The following CASKIN1 variants were observed in gnomAD, a reference collection of about 807,000 sequenced individuals.
CASKIN1 encodes the protein CASK interacting protein 1.
Under a neutral mutation model 117.5 loss-of-function variants are expected in CASKIN1, and 42 were observed. That is an observed-to-expected ratio of 0.36 (90% CI 0.28 to 0.46). The LOEUF is 0.46. CASKIN1 is among the 20% of genes least tolerant of loss of function. CASKIN1 has a pLI of 1.00. For missense variants in CASKIN1, 2,083 were observed against 2,077.3 expected (o/e 1.00, Z -0.05); for synonymous variants, 1,148 against 961.7 (o/e 1.19, Z -3.59).
Position 2,180,291 on chromosome 16 carries a change from C to T in CASKIN1, c.3077G>A (p.Gly1026Asp), listed in dbSNP as rs760846795. The T allele has an allele frequency of 1.3e-6, 2 of 1,578,650 alleles. No homozygotes were observed. The highest frequency in any genetic ancestry group is 1.7e-6 in the Non-Finnish European group (2 of 1,165,894). The stretch of plus-strand genomic sequence containing the variant: ...GCTGGCAGGGCGGGGAGTGGGGTGG[C>T]CCTCAGGAGGCCTGCGGGCAGCCCG... ...GGRAARRPPEGHPTPRPASPE... is the reference protein window; with the variant it reads ...GGRAARRPPEDHPTPRPASPE... The change falls in exon 18 of 20, where the codon GGC (glycine) becomes GAC (aspartate). Residue 1026 changes from glycine to aspartate, a missense_variant. Gly to Asp is a moderately conservative substitution (Grantham distance 94). Coordinates refer to ENST00000343516, the MANE Select transcript of CASKIN1 (RefSeq NM_020764.4).
At chr16:2,181,739 GGGCTTGGGCTGA>G in intron 17 of CASKIN1, 40 bp downstream of exon 17, 1 of 1,589,236 alleles carries the variant, frequency 6.3e-7, no homozygotes, top group Non-Finnish European at 8.6e-7. Context: ...CTGGTGGCTG[GGGCTTGGGCTGA>G]GGGTTGGGCT....
chr16:2,178,450 G>T lies in CASKIN1; in HGVS notation c.*100C>A, dbSNP rs1421171167. 1.1e-6 allele frequency: 1 copy of T among 937,606 alleles called. No individual in the cohort carries two copies. The highest frequency in any genetic ancestry group is 1.5e-6 in the Non-Finnish European group (1 of 672,524). 58.1% of individuals were successfully genotyped at this position (937,606 alleles called of 1,614,324 possible). On this transcript the variant is annotated 3_prime_UTR_variant, in exon 20 of 20. Coordinates refer to ENST00000343516, the MANE Select transcript of CASKIN1 (RefSeq NM_020764.4). ...CGGAGTTGTGCTTCTGCAGGGCCCT[G>T]CCCGGCCGCTCGCGCCGCGCCCAGA... is the stretch of plus-strand genomic sequence containing the variant.
At position 2,189,388 on chromosome 16, in the gene CASKIN1, C is replaced by A. The variant is rs758158663; in HGVS notation, c.390+31G>T. On this transcript the variant is annotated intron_variant, in intron 4 of 19. Coordinates refer to ENST00000343516, the MANE Select transcript of CASKIN1 (RefSeq NM_020764.4). ...ACATCCTCAGGCCGCGCTGCCCCGC[C>A]CCCGCTGCCCCGCCCCCGCTCGGGC... 5.6e-6 allele frequency: 9 copies of A among 1,609,672 alleles called. No homozygotes were observed. The South Asian group carries it at 9.9e-5, about 18-fold the overall frequency.
Position 2,181,130 on chromosome 16 carries a change from G to A in CASKIN1, c.2238C>T (p.Arg746=), listed in dbSNP as rs927045273. The A allele has an allele frequency of 6.8e-7, 1 of 1,479,160 alleles. No individual in the cohort carries two copies. The highest frequency in any genetic ancestry group is 1.4e-5 in the South Asian group (1 of 72,196). 91.6% of individuals were successfully genotyped at this position (1,479,160 alleles called of 1,614,324 possible). The stretch of plus-strand genomic sequence containing the variant: ...TGGCCCTCTTGATGCTGTGGCCGTG[G>A]CGGCCGGGCCGGGCCTCCCTGGGCG... The part of the protein sequence containing the change: ...GTPPREARPG[R]HGHSIKRASV... The change falls in exon 18 of 20, where the codon CGC becomes CGT. Residue 746 remains arginine, a synonymous_variant. Coordinates refer to ENST00000343516, the MANE Select transcript of CASKIN1 (RefSeq NM_020764.4).
At chr16:2,192,469 G>A (rs1270015169) in intron 1 of CASKIN1, among the ~76,000 whole-genome samples, 2 of 152,100 alleles carry the variant, frequency 1.3e-5, no homozygotes, top group Non-Finnish European at 2.9e-5. Context: ...CTCCTGCTTT[G>A]CTCTCAGTTA....
rs1426962268 is a variant in CASKIN1 at position 2,182,510 on chromosome 16, C to T, written c.1630-581G>A. Among the ~76,000 whole-genome samples, 1 of 152,132 alleles carries T rather than the reference C, an allele frequency of 6.6e-6. No individual in the cohort carries two copies. The highest frequency in any genetic ancestry group is 1.9e-4 in the East Asian group (1 of 5,184). The stretch of plus-strand genomic sequence containing the variant: ...CGTCCACACTTCCAGCTGGAATTCA[C>T]TCATGCAACTGCTCTTGAACACTCA... On this transcript the variant is annotated intron_variant, in intron 16 of 19. Coordinates refer to ENST00000343516, the MANE Select transcript of CASKIN1 (RefSeq NM_020764.4). This position sits in a 1 kb window ranked among gnomAD's most constrained non-coding sequence, Gnocchi z 4.1.
chr16:2,180,951 G>A lies in CASKIN1; in HGVS notation c.2417C>T (p.Pro806Leu). The stretch of plus-strand genomic sequence containing the variant: ...TGTCGGCGGCAGCAGCTGCGGGGTG[G>A]GCTTCACCTTGGCCGTAGCTGGGGC... ...GPAPATAKVK[P>L]TPQLLPPTER... Residue 806 changes from proline (P) to leucine (L), a missense_variant, in exon 18 of 20, where the codon CCC becomes CTC. Physicochemically the swap from Pro to Leu is moderately conservative, Grantham distance 98. Around this residue, in one of 3 missense-constraint regions of CASKIN1, gnomAD observed 1,818 missense variants for 1,688.9 expected, o/e 1.08. Transcript: ENST00000343516. 1.4e-6 allele frequency: 2 copies of A among 1,466,508 alleles called. No individual in the cohort carries two copies. Among genetic ancestry groups the A allele is most frequent in the Non-Finnish European group, 1.8e-6 (2 of 1,114,708 alleles). 90.8% of individuals were successfully genotyped at this position (1,466,508 alleles called of 1,614,324 possible).
chr16:2,190,095 A>G lies in CASKIN1; in HGVS notation c.222T>C (p.Ala74=), dbSNP rs753420247. 5 of 1,612,062 alleles carry G rather than the reference A, an allele frequency of 3.1e-6. No homozygotes were observed. Among genetic ancestry groups the G allele is most frequent in the South Asian group, 1.1e-5 (1 of 91,054 alleles). ...LISLLLEAQA[A]VDIKDNKGMR... ...TGCCTTTGTTGTCCTTGATGTCCACAGCGGCCTGGGCCTCCAGCAGCAGGC... is the reference window on the plus strand; with the variant it reads ...TGCCTTTGTTGTCCTTGATGTCCACGGCGGCCTGGGCCTCCAGCAGCAGGC... Residue 74 remains alanine, a synonymous_variant, in exon 3 of 20, where the codon GCT becomes GCC. Coordinates refer to ENST00000343516, the MANE Select transcript of CASKIN1 (RefSeq NM_020764.4).
At chr16:2,187,566 G>C in intron 6 of CASKIN1, 105 bp from the exon 7 acceptor site, 1 of 889,062 alleles carries the variant, frequency 1.1e-6, no homozygotes, top group Non-Finnish European at 1.8e-6. Context: ...GTCAGCTTGG[G>C]GGCTGAGGAC....
In CASKIN1 at chr16:2,179,281, G is replaced by C; in HGVS notation, c.3820C>G (p.Pro1274Ala). The part of the protein sequence containing the change: ...HGTPPPVSPK[P>A]PPPPTAPKPV... ...TTGGGCGCTGTGGGCGGCGGCGGCG[G>C]CTTGGGAGACACGGGCGGTGGCGTG... The change falls in exon 19 of 20, where the codon CCG (proline) becomes GCG (alanine). Residue 1274 changes from proline (P) to alanine (A), a missense_variant. Around this residue, in one of 3 missense-constraint regions of CASKIN1, gnomAD observed 1,818 missense variants for 1,688.9 expected, o/e 1.08. Transcript: ENST00000343516. The surrounding 1 kb of genome is among the most constrained non-coding windows in gnomAD (Gnocchi z 5.8). The C allele has an allele frequency of 8.2e-7, 1 of 1,222,758 alleles. No homozygotes were observed. Among genetic ancestry groups the C allele is most frequent in the Non-Finnish European group, 1.0e-6 (1 of 982,738 alleles). 75.7% of individuals were successfully genotyped at this position (1,222,758 alleles called of 1,614,324 possible).
At chr16:2,186,454 G>A (rs1173255700) in intron 10 of CASKIN1, among the ~76,000 whole-genome samples, 1 of 152,142 alleles carries the variant, frequency 6.6e-6, no homozygotes, top group Admixed American at 6.5e-5. Context: ...TGGGAGTTGG[G>A]TCCCCATCTG....
chr16:2,180,438 A>G lies in CASKIN1; in HGVS notation c.2930T>C (p.Leu977Pro), dbSNP rs753074271. Residue 977 changes from leucine to proline, a missense_variant, in exon 18 of 20, where the codon CTG becomes CCG. This residue lies in a region of CASKIN1 where 1,818 missense variants were observed against 1,688.9 expected (regional missense o/e 1.08). Coordinates refer to ENST00000343516, the MANE Select transcript of CASKIN1 (RefSeq NM_020764.4). ...CCGCCGGCACTGTGCCCGGACCCCCAGCAGGCCATCCTCAGGCTCGGCGTC... is the reference window on the plus strand; with the variant it reads ...CCGCCGGCACTGTGCCCGGACCCCCGGCAGGCCATCCTCAGGCTCGGCGTC... ...VPDAEPEDGL[L>P]GVRAQCRRAS... 3.7e-5 allele frequency: 58 copies of G among 1,565,172 alleles called. No homozygotes were observed. The highest frequency in any genetic ancestry group is 4.9e-5 in the Non-Finnish European group (57 of 1,162,854).
rs1182755705 is a variant in CASKIN1, at chr16:2,185,555, C to A, written c.1049-147G>T. The A allele has an allele frequency of 4.6e-6, 3 of 650,506 alleles. No individual in the cohort carries two copies. The African/African-American group carries it at 5.5e-5, about 12-fold the overall frequency. The allele number at this position is 650,506 out of a possible 1,614,324, so 40.3% of individuals were successfully genotyped here. A position where few individuals can be genotyped will look rare whatever the true frequency, so the allele number is the denominator to read the frequency against. Reference sequence around the variant, plus strand: ...AGGGAGCTGATAGCCCCTCGGAAGACCCCTCCCACCCCAGACGTTTAGAGC... The same window carrying A: ...AGGGAGCTGATAGCCCCTCGGAAGAACCCTCCCACCCCAGACGTTTAGAGC... On this transcript the variant is annotated intron_variant, in intron 10 of 19. Coordinates refer to ENST00000343516, the MANE Select transcript of CASKIN1 (RefSeq NM_020764.4).
At chr16:2,188,352 G>A (rs2093191069) in intron 6 of CASKIN1, among the ~76,000 whole-genome samples, 1 of 147,428 alleles carries the variant, frequency 6.8e-6, no homozygotes, top group South Asian at 2.2e-4. Context: ...ACAACCAGCC[G>A]ATTTTTTTTT....
At chr16:2,194,407 G>T (rs900811970) in intron 1 of CASKIN1, among the ~76,000 whole-genome samples, 2 of 152,106 alleles carry the variant, frequency 1.3e-5, no homozygotes, top group African/African-American at 2.4e-5. Context: ...AGGGCGAGTC[G>T]GGGGCTGGCT....
chr16:2,186,695 G>C lies in CASKIN1; in HGVS notation c.1048+12C>G, dbSNP rs1244644418. ...GGCTCCTGCCTGCCCCCCAGGGTGG[G>C]GTGGAACTTGCCTGCTCGCTTGACA... On this transcript the variant is annotated intron_variant, in intron 10 of 19. Transcript: ENST00000343516. 6.2e-7 allele frequency: 1 copy of C among 1,608,884 alleles called. No homozygotes were observed. Among genetic ancestry groups the C allele is most frequent in the African/African-American group, 1.3e-5 (1 of 74,850 alleles).
Position 2,196,566 on chromosome 16 carries a change from G to A in CASKIN1, c.-134C>T, listed in dbSNP as rs2093217290. The A allele has an allele frequency of 1.6e-5, 3 of 185,680 alleles. No homozygotes were observed. The highest frequency in any genetic ancestry group is 3.0e-5 in the Non-Finnish European group (3 of 101,460). The allele number at this position is 185,680 out of a possible 1,614,324, so 11.5% of individuals were successfully genotyped here. On this transcript the variant is annotated 5_prime_UTR_variant, in exon 1 of 20. Transcript: ENST00000343516. The surrounding 1 kb of genome is among the most constrained non-coding windows in gnomAD (Gnocchi z 5.7). ...CCTCCTCGCCGCCCGCCGCCCCTTC[G>A]CCCTCCTCGGGCTCCGGCTTGGGCT...
At position 2,184,571 on chromosome 16, in the gene CASKIN1, G is replaced by A. The variant is rs569585210; in HGVS notation, c.1416+206C>T. ...CACAGAGGCACAGGTTGGCCCACAC[G>A]CACAGCCTGCACAATGACGACACCC... is the stretch of plus-strand genomic sequence containing the variant. On this transcript the variant is annotated intron_variant, in intron 14 of 19. Coordinates refer to ENST00000343516, the MANE Select transcript of CASKIN1 (RefSeq NM_020764.4). Among the ~76,000 whole-genome samples, 17 of 152,160 alleles carry A rather than the reference G, an allele frequency of 1.1e-4. No individual in the cohort carries two copies. The South Asian group carries it at 3.1e-3, about 28-fold the overall frequency.
rs1429569582 is a variant in CASKIN1, at chr16:2,182,977, C to T, written c.1629+669G>A. On this transcript the variant is annotated intron_variant, in intron 16 of 19. Coordinates refer to ENST00000343516, the MANE Select transcript of CASKIN1 (RefSeq NM_020764.4). This position sits in a 1 kb window ranked among gnomAD's most constrained non-coding sequence, Gnocchi z 4.1. ...GGCCAATTTTTGGTTTTAGTAGAGA[C>T]TGGGTTTCACCGTGTTAGCCAGGAT... 6.6e-6 allele frequency among the ~76,000 whole-genome samples: 1 copy of T among 152,212 alleles called. No individual in the cohort carries two copies. The highest frequency in any genetic ancestry group is 1.5e-5 in the Non-Finnish European group (1 of 68,034).
Sources: gnomAD v4.1 joint callset for allele counts (sites outside exome capture counted in the v4.1 genomes callset) on GRCh38, gnomAD v4.1.1 for gene constraint, gnomAD v4.1.1 regional missense constraint, Gnocchi (gnomAD v3.1) non-coding constraint, MANE v1.5 for transcripts, NCBI Gene and HGNC (gene_info 2026-07-23, HGNC 2026-07-21) for gene names.